The following CTTN variants were observed in gnomAD, a reference collection of about 807,000 sequenced individuals.
CTTN encodes the protein src substrate cortactin.
A neutral mutation model predicts 84.0 loss-of-function variants in CTTN; 28 were observed. The observed-to-expected ratio is 0.33, with a 90% CI of 0.25 to 0.46. CTTN has a LOEUF of 0.46. Ranked by LOEUF, CTTN falls within the 20% of genes least tolerant of loss-of-function variation. CTTN has a pLI of 1.00. For synonymous variants in CTTN, 301 were observed against 288.8 expected, an observed-to-expected ratio of 1.04 and a Z score of -0.43; for missense variants, 641 against 723.8, an observed-to-expected ratio of 0.89 and a Z score of 1.31.
At chr11:70,433,584 T>G (rs2058379773) in intron 16 of CTTN, 63 bp from the exon 17 acceptor site, 2 of 1,276,248 alleles carry the variant, frequency 1.6e-6, no homozygotes, top group Non-Finnish European at 2.3e-6. Context: ...GTCTAAAACT[T>G]GAGAAGGCTG....
chr11:70,400,102 A>G (rs2057959228), intron 1 of CTTN, among the ~76,000 whole-genome samples: 1 of 152,226 alleles, frequency 6.6e-6, no homozygotes, highest in African/African-American at 2.4e-5. Context: ...TTGGGGAGGC[A>G]GGGTTGTTTT....
chr11:70,433,387 C>A (rs907888460), intron 16 of CTTN, 109 bp downstream of exon 16: 2 of 1,161,036 alleles, frequency 1.7e-6, no homozygotes, highest in Middle Eastern at 2.9e-4. Context: ...ACTGACACGC[C>A]TTTGCTTGCT....
At position 70,436,023 on chromosome 11, in the gene CTTN, G is replaced by A. The variant is rs1368309794; in HGVS notation, c.*861G>A. 5.6e-6 allele frequency: 8 copies of A among 1,427,562 alleles called. No individual in the cohort carries two copies. The African/African-American group carries it at 8.6e-5, about 15-fold the overall frequency. 88.4% of individuals were successfully genotyped at this position (1,427,562 alleles called of 1,614,324 possible). On this transcript the variant is annotated 3_prime_UTR_variant, in exon 18 of 18. Coordinates refer to ENST00000301843, the MANE Select transcript of CTTN (RefSeq NM_005231.4). ...TCCCTGGGCCACCGGGCAGCCTGGG[G>A]CGGTGTGTGTGCCATGTCACAGCAT...
intron 12 of CTTN, among the ~76,000 whole-genome samples, chr11:70,423,381 C>T: frequency 6.6e-6 from 1 of 152,220 alleles, no homozygotes; most frequent in East Asian, 1.9e-4. Flanking sequence ...ACCTCGCTGG[C>T]AGCCAGCGCT....
rs771843105 is a variant in CTTN at position 70,422,933 on chromosome 11, G to A, written c.902-7G>A. The A allele has an allele frequency of 4.6e-5, 75 of 1,614,000 alleles. No individual in the cohort carries two copies. Among genetic ancestry groups the A allele is most frequent in the Non-Finnish European group, 5.8e-5 (69 of 1,180,022 alleles). ...CAGAGTAAGTGTTGTGTTTTGCCAC[G>A]TTTCAGACTACTCCAAAGGATTCGG... On this transcript the variant is annotated splice_region_variant and splice_polypyrimidine_tract_variant and intron_variant, in intron 11 of 17. Transcript: ENST00000301843.
intron 5 of CTTN, among the ~76,000 whole-genome samples, chr11:70,414,253 G>T (rs1236828386): frequency 6.6e-6 from 1 of 151,978 alleles, no homozygotes; most frequent in East Asian, 1.9e-4. Context: ...GCTGAGGCAG[G>T]AGAATGGCGT....
intron 12 of CTTN, 81 bp downstream of exon 12, chr11:70,423,076 T>C: frequency 6.5e-7 from 1 of 1,529,246 alleles, no homozygotes; most frequent in Non-Finnish European, 9.0e-7. Flanking sequence ...CTGGCCAACA[T>C]CCACGCGCTG....
At chr11:70,426,852 G>A (rs1044765176) in intron 13 of CTTN, among the ~76,000 whole-genome samples, 12 of 151,376 alleles carry the variant, frequency 7.9e-5, no homozygotes, top group African/African-American at 2.4e-4. Context: ...TGCCCGCCTC[G>A]GCCTCCCAAA....
chr11:70,409,767 A>C (rs1337390864), intron 4 of CTTN, 64 bp from the exon 5 acceptor site: 26 of 1,553,124 alleles, frequency 1.7e-5, no homozygotes, highest in Non-Finnish European at 2.1e-5. Context: ...TATTTATCAT[A>C]CCAGGAGGCA....
At chr11:70,402,872 C>T (rs2058002806) in intron 1 of CTTN, among the ~76,000 whole-genome samples, 1 of 152,156 alleles carries the variant, frequency 6.6e-6, no homozygotes, top group Non-Finnish European at 1.5e-5. Flanking sequence ...CATACAGTAC[C>T]TGAGTTTAAC....
intron 4 of CTTN, 42 bp downstream of exon 4, chr11:70,407,633 G>A (rs2058057595): frequency 6.3e-7 from 1 of 1,589,578 alleles, no homozygotes; most frequent in African/African-American, 1.3e-5. Flanking sequence ...CCCCTCTGCG[G>A]ATGGAGCCCC....
At chr11:70,434,009 C>T (rs1383640718) in intron 17 of CTTN, among the ~76,000 whole-genome samples, 1 of 152,184 alleles carries the variant, frequency 6.6e-6, no homozygotes, top group African/African-American at 2.4e-5. Context: ...GCGTGTTTCC[C>T]AAGATCAAAG....
intron 16 of CTTN, 113 bp downstream of exon 16, chr11:70,433,391 G>T: frequency 8.8e-7 from 1 of 1,136,094 alleles, no homozygotes. Flanking sequence ...ACACGCCTTT[G>T]CTTGCTTGCT....
At chr11:70,424,254 G>T (rs1025704926) in intron 12 of CTTN, among the ~76,000 whole-genome samples, 7 of 152,116 alleles carry the variant, frequency 4.6e-5, no homozygotes, top group African/African-American at 1.7e-4. Context: ...CTGTGGGTGA[G>T]TCAGAGGTTG....
intron 6 of CTTN, 26 bp downstream of exon 6, chr11:70,414,678 G>A (rs2058137252): frequency 1.9e-6 from 3 of 1,559,178 alleles, no homozygotes; most frequent in Non-Finnish European, 2.7e-6. Flanking sequence ...CTGGGACTGG[G>A]GCAGGTTGGG....
Position 70,436,248 on chromosome 11 carries a change from G to T in CTTN, c.*1086G>T. The T allele has an allele frequency of 1.3e-6, 2 of 1,594,844 alleles. No homozygotes were observed. Among genetic ancestry groups the T allele is most frequent in the Non-Finnish European group, 8.5e-7 (1 of 1,177,998 alleles). ...GGTCCCCCCACAGCTCCAGGACACC[G>T]CTGTCCTGGCATTTGTGGCCACTCA... On this transcript the variant is annotated 3_prime_UTR_variant, in exon 18 of 18. Transcript: ENST00000301843.
chr11:70,426,368 G>A (rs1446186195), intron 13 of CTTN, among the ~76,000 whole-genome samples: 2 of 148,768 alleles, frequency 1.3e-5, no homozygotes, highest in Admixed American at 6.7e-5. Flanking sequence ...CGGAGTTTGC[G>A]CCACTGCACT....
At chr11:70,428,227 A>C (rs572344172) in intron 13 of CTTN, among the ~76,000 whole-genome samples, 1 of 138,478 alleles carries the variant, frequency 7.2e-6, no homozygotes, top group Non-Finnish European at 1.5e-5. Flanking sequence ...GTGCAGTGGC[A>C]CAATCTCGGC....
Position 70,435,858 on chromosome 11 carries a change from TC to T in CTTN, c.*700del. 1 of 1,516,572 alleles carries T rather than the reference TC, an allele frequency of 6.6e-7. No homozygotes were observed. The highest frequency in any genetic ancestry group is 8.8e-7 in the Non-Finnish European group (1 of 1,140,742). 93.9% of individuals were successfully genotyped at this position (1,516,572 alleles called of 1,614,324 possible). A position where few individuals can be genotyped will look rare whatever the true frequency, so the allele number is the denominator to read the frequency against. ...GGAGGGCTGCTGGGAGCCTCTCCTGTCCCCGCCGGGCAGTGTCACTGAGTCC... is the reference window on the plus strand; with the variant it reads ...GGAGGGCTGCTGGGAGCCTCTCCTGTCCCGCCGGGCAGTGTCACTGAGTCC... On this transcript the variant is annotated 3_prime_UTR_variant, in exon 18 of 18. Coordinates refer to ENST00000301843, the MANE Select transcript of CTTN (RefSeq NM_005231.4).
Sources: gnomAD v4.1 joint callset for allele counts (sites outside exome capture counted in the v4.1 genomes callset) on GRCh38, gnomAD v4.1.1 for gene constraint, MANE v1.5 for transcripts, NCBI Gene and HGNC (gene_info 2026-07-23, HGNC 2026-07-21) for gene names.